The following PPP2R2B variants were observed in gnomAD, a reference collection of about 807,000 sequenced individuals.
PPP2R2B encodes serine/threonine-protein phosphatase 2A 55 kDa regulatory subunit B beta isoform.
A neutral mutation model predicts 46.0 loss-of-function variants in PPP2R2B; 5 were observed. That is an observed-to-expected ratio of 0.11 (90% CI 0.06 to 0.23). The LOEUF is 0.23. Ranked by LOEUF, PPP2R2B falls within the 10% of genes least tolerant of loss-of-function variation. The pLI is 1.00. For missense variants in PPP2R2B, 367 were observed against 575.0 expected (o/e 0.64, Z 3.70); for synonymous variants, 215 against 206.7 (o/e 1.04, Z -0.34).
intron 2 of PPP2R2B, among the ~76,000 whole-genome samples, chr5:146,768,985 C>G (rs1033080899): frequency 3.3e-5 from 5 of 151,568 alleles, no homozygotes; most frequent in Non-Finnish European, 7.4e-5. Context: ...TCAAGTGATT[C>G]TCCTGCCTCA....
In PPP2R2B at chr5:146,878,443, T is replaced by C; in HGVS notation, c.-125+148A>G. On this transcript the variant is annotated intron_variant, in intron 1 of 9. Coordinates refer to ENST00000394411, the MANE Select transcript of PPP2R2B (RefSeq NM_181675.4). The surrounding 1 kb of genome is among the most constrained non-coding windows in gnomAD (Gnocchi z 4.5). ...GCGCTCACAAGCGGGTCTGGGGAGA[T>C]GCCCAACAGGTTCCCCTCCTTGGCA... The C allele has an allele frequency of 7.2e-7, 1 of 1,390,174 alleles. No homozygotes were observed. 86.1% of individuals were successfully genotyped at this position (1,390,174 alleles called of 1,614,324 possible).
chr5:146,582,634 G>A lies in PPP2R2B; in HGVS notation c.*7313C>T, dbSNP rs1769951204. 1 of 152,134 alleles carries A rather than the reference G, an allele frequency of 6.6e-6. No homozygotes were observed. The highest frequency in any genetic ancestry group is 2.4e-5 in the African/African-American group (1 of 41,394). The allele number at this position is 152,134 out of a possible 1,614,324, so 9.4% of individuals were successfully genotyped here. A position where few individuals can be genotyped will look rare whatever the true frequency, so the allele number is the denominator to read the frequency against. ...GCCGCTCATCTTATAAGCTTCCTGT[G>A]GGCAAGTGCTGTGCCTGACTTCCTT... On this transcript the variant is annotated 3_prime_UTR_variant, in exon 10 of 10. Coordinates refer to ENST00000394411, the MANE Select transcript of PPP2R2B (RefSeq NM_181675.4).
chr5:146,627,962 T>G (rs1408285285), intron 7 of PPP2R2B, among the ~76,000 whole-genome samples: 1 of 151,844 alleles, frequency 6.6e-6, no homozygotes, highest in African/African-American at 2.4e-5. Context: ...TTTTTTTTTT[T>G]GAGATGGAGT....
chr5:146,929,443 A>T (rs1410958147), intron 1 of PPP2R2B, among the ~76,000 whole-genome samples: 2 of 152,182 alleles, frequency 1.3e-5, no homozygotes, highest in Non-Finnish European at 2.9e-5. Context: ...CAAATGTGAG[A>T]ACACTTTCCA....
intron 1 of PPP2R2B, among the ~76,000 whole-genome samples, chr5:146,924,025 A>C (rs182317222): frequency 1.4e-4 from 22 of 152,292 alleles, no homozygotes; most frequent in African/African-American, 4.6e-4. Flanking sequence ...AAATGATGAA[A>C]ACATATGGAC....
chr5:146,885,801 C>T lies in PPP2R2B; in HGVS notation c.79+169864G>A, dbSNP rs369826714. On this transcript the variant is annotated intron_variant, in intron 1 of 8. Transcript: ENST00000336640. ...AATATTATTCAGCTGCAGAAAGGAA[C>T]GAAGTATTGAAACATGCCACAACAT... is the stretch of plus-strand genomic sequence containing the variant. Among the ~76,000 whole-genome samples, 64 of 152,150 alleles carry T rather than the reference C, an allele frequency of 4.2e-4. 1 individual carries two copies. The South Asian group carries it at 0.013, about 31-fold the overall frequency.
chr5:146,839,381 A>T (rs1386279313), intron 2 of PPP2R2B, among the ~76,000 whole-genome samples: 1 of 152,106 alleles, frequency 6.6e-6, no homozygotes, highest in African/African-American at 2.4e-5. Context: ...TTAGCCGGGC[A>T]TGGTGGCATG....
rs757396751 is a variant in PPP2R2B at position 146,728,138 on chromosome 5, CTTTTTTT to C, written c.71-27003_71-26997del. 1.3e-3 allele frequency among the ~76,000 whole-genome samples: 104 copies of C among 82,510 alleles called. 1 individual carries two copies. The highest frequency in any genetic ancestry group is 4.5e-3 in the African/African-American group (93 of 20,878). The allele number at this position is 82,510 out of a possible 152,430, so 54.1% of individuals were successfully genotyped here. ...AATATGATGGCTAGGGAAACACTTA[CTTTTTTT>C]TTTTTTTTTTTTTTTTTCAGATGCA... On this transcript the variant is annotated intron_variant, in intron 2 of 9. Coordinates refer to ENST00000394411, the MANE Select transcript of PPP2R2B (RefSeq NM_181675.4).
intron 2 of PPP2R2B, among the ~76,000 whole-genome samples, chr5:146,788,111 G>A (rs934176605): frequency 3.3e-5 from 5 of 152,122 alleles, no homozygotes; most frequent in African/African-American, 1.2e-4. Flanking sequence ...ATGCCGTTGT[G>A]TGAGCATTTG....
intron 5 of PPP2R2B, among the ~76,000 whole-genome samples, chr5:146,686,739 A>C (rs1778524895): frequency 1.3e-5 from 2 of 152,260 alleles, no homozygotes; most frequent in African/African-American, 4.8e-5. Flanking sequence ...CTGGCAGCTG[A>C]TAATAATGAG....
chr5:146,954,364 C>T (rs1751773665), intron 1 of PPP2R2B, among the ~76,000 whole-genome samples: 1 of 152,154 alleles, frequency 6.6e-6, no homozygotes, highest in African/African-American at 2.4e-5. Flanking sequence ...ATTGAAAAGA[C>T]ATGCTTCACT....
At chr5:146,777,773 T>C (rs1415604131) in intron 2 of PPP2R2B, among the ~76,000 whole-genome samples, 1 of 152,180 alleles carries the variant, frequency 6.6e-6, no homozygotes, top group Non-Finnish European at 1.5e-5. Context: ...CCTTATAAAC[T>C]GGAACTTAAA....
chr5:146,902,498 T>C (rs1762867193), intron 1 of PPP2R2B, among the ~76,000 whole-genome samples: 2 of 152,214 alleles, frequency 1.3e-5, no homozygotes, highest in Admixed American at 1.3e-4. Context: ...TCAGGCTTTG[T>C]TATATGCATT....
chr5:146,784,414 C>A (rs1036883297), intron 2 of PPP2R2B, among the ~76,000 whole-genome samples: 1 of 152,136 alleles, frequency 6.6e-6, no homozygotes, highest in African/African-American at 2.4e-5. Context: ...AATATATTGG[C>A]ACTTATAACA....
At chr5:146,749,180 CT>C (rs1753382093) in intron 2 of PPP2R2B, among the ~76,000 whole-genome samples, 1 of 152,142 alleles carries the variant, frequency 6.6e-6, no homozygotes, top group Non-Finnish European at 1.5e-5. Flanking sequence ...ATTTGCTGTG[CT>C]TATTGGTCAT....
intron 2 of PPP2R2B, among the ~76,000 whole-genome samples, chr5:146,730,458 G>A (rs940477800): frequency 1.3e-5 from 2 of 152,130 alleles, no homozygotes; most frequent in African/African-American, 4.8e-5. Context: ...GTGGAGACGT[G>A]AAATTTGGAG....
chr5:146,820,808 C>A (rs967590154), intron 2 of PPP2R2B, among the ~76,000 whole-genome samples: 2 of 152,172 alleles, frequency 1.3e-5, no homozygotes, highest in Non-Finnish European at 2.9e-5. Flanking sequence ...AGGACTCCAT[C>A]CGTCAAATTG....
At chr5:146,703,344 A>T (rs1779651188) in intron 2 of PPP2R2B, among the ~76,000 whole-genome samples, 1 of 152,194 alleles carries the variant, frequency 6.6e-6, no homozygotes, top group East Asian at 1.9e-4. Context: ...GCAGGAAATA[A>T]TGAGAGGGTG....
intron 1 of PPP2R2B, among the ~76,000 whole-genome samples, chr5:146,930,701 A>T (rs565838059): frequency 2.6e-3 from 397 of 152,310 alleles, no homozygotes; most frequent in Middle Eastern, 6.8e-3. Context: ...CAGAAGAAAA[A>T]GCTTGTACCT....
Sources: allele counts gnomAD v4.1 joint callset (sites outside exome capture counted in the v4.1 genomes callset), GRCh38; gene constraint gnomAD v4.1.1; non-coding constraint Gnocchi (gnomAD v3.1); transcripts MANE v1.5; gene names NCBI Gene and HGNC (gene_info 2026-07-23, HGNC 2026-07-21).